Variants in ZNF324 observed in about 807,000 individuals in gnomAD.
ZNF324 encodes zinc finger protein 324, also known as zinc finger protein 324A.
Under a neutral mutation model 10.3 loss-of-function variants are expected in ZNF324, and 3 were observed. That is an observed-to-expected ratio of 0.29 (90% CI 0.13 to 0.75). ZNF324 has a LOEUF of 0.75. Among genes scored for constraint, ZNF324 ranks in the 30% least tolerant of loss-of-function variants. The pLI, the probability that ZNF324 is intolerant of heterozygous loss-of-function variation, is 0.69. For missense variants in ZNF324, 763 were observed against 784.4 expected (o/e 0.97, Z 0.33); for synonymous variants, 430 against 339.5 (o/e 1.27, Z -2.93).
Position 58,474,368 on chromosome 19 carries a change from G to C in ZNF324, c.*2214G>C, listed in dbSNP as rs2053063412. On this transcript the variant is annotated 3_prime_UTR_variant, in exon 4 of 4. Transcript: ENST00000196482. ...CACGTGAAATCATTTCTATGCCTCTGACAGACGCTTCTTGAGCGAAGTTTC... is the reference window on the plus strand; with the variant it reads ...CACGTGAAATCATTTCTATGCCTCTCACAGACGCTTCTTGAGCGAAGTTTC... 6.6e-6 allele frequency: 1 copy of C among 152,128 alleles called. No individual in the cohort carries two copies. 9.4% of individuals were successfully genotyped at this position (152,128 alleles called of 1,614,324 possible).
intron 1 of ZNF324, among the ~76,000 whole-genome samples, 199 bp from the exon 2 acceptor site, chr19:58,468,981 C>T (rs2053004620): frequency 6.6e-6 from 1 of 152,144 alleles, no homozygotes; most frequent in South Asian, 2.1e-4. Context: ...GAATGCAGCC[C>T]AAAACAAGTT....
intron 2 of ZNF324, 96 bp from the exon 3 acceptor site, chr19:58,469,632 T>G: frequency 9.6e-7 from 1 of 1,045,028 alleles, no homozygotes; most frequent in African/African-American, 1.6e-5. Context: ...ACAGATGACA[T>G]TTTCTGTTTC....
rs148935389 is a variant in ZNF324, at chr19:58,474,860, G to A, written c.*2706G>A. 2 of 152,434 alleles carry A rather than the reference G, an allele frequency of 1.3e-5. No homozygotes were observed. Among genetic ancestry groups the A allele is most frequent in the African/African-American group, 4.8e-5 (2 of 41,536 alleles). 9.4% of individuals were successfully genotyped at this position (152,434 alleles called of 1,614,324 possible). A position where few individuals can be genotyped will look rare whatever the true frequency, so the allele number is the denominator to read the frequency against. On this transcript the variant is annotated 3_prime_UTR_variant, in exon 4 of 4. Transcript: ENST00000196482. Reference sequence around the variant, plus strand: ...TGAGAGCTGTCACTAAGTTAGGGAAGGCAAAATACTACGTGGCGACTTGGC... The same window carrying A: ...TGAGAGCTGTCACTAAGTTAGGGAAAGCAAAATACTACGTGGCGACTTGGC...
At position 58,474,451 on chromosome 19, in the gene ZNF324, C is replaced by G. The variant is rs187788169; in HGVS notation, c.*2297C>G. 1.3e-5 allele frequency: 2 copies of G among 152,238 alleles called. No individual in the cohort carries two copies. Among genetic ancestry groups the G allele is most frequent in the East Asian group, 1.9e-4 (1 of 5,154 alleles). The allele number at this position is 152,238 out of a possible 1,614,324, so 9.4% of individuals were successfully genotyped here. The stretch of plus-strand genomic sequence containing the variant: ...CTCAGTACCCTACCTTGTCTTCCCA[C>G]CAGCCGCCTCCCTCCATCAAGTTCC... On this transcript the variant is annotated 3_prime_UTR_variant, in exon 4 of 4. Transcript: ENST00000196482.
intron 1 of ZNF324, among the ~76,000 whole-genome samples, chr19:58,468,566 C>T (rs975484888): frequency 6.6e-6 from 1 of 151,888 alleles, no homozygotes; most frequent in Non-Finnish European, 1.5e-5. Flanking sequence ...GATGGGTATG[C>T]CTGGGAAGCC....
intron 3 of ZNF324, chr19:58,470,432 A>G: frequency 1.9e-6 from 1 of 514,124 alleles, no homozygotes; most frequent in Non-Finnish European, 3.6e-6. Flanking sequence ...GTGTGGGTGG[A>G]ATAGCCAGTG....
At chr19:58,469,478 C>T (rs534535406) in intron 2 of ZNF324, among the ~76,000 whole-genome samples, 172 bp downstream of exon 2, 24 of 152,360 alleles carry the variant, frequency 1.6e-4, no homozygotes, top group Non-Finnish European at 2.1e-4. Flanking sequence ...CAACCACTCC[C>T]TGTGGCGCTG....
chr19:58,470,462 C>T (rs1250757667), intron 3 of ZNF324: 5 of 591,446 alleles, frequency 8.5e-6, no homozygotes, highest in African/African-American at 5.6e-5. Flanking sequence ...ATGCAGCATA[C>T]AGCAGCCGCT....
At position 58,467,200 on chromosome 19, in the gene ZNF324, C is replaced by G. The variant is rs2052988981; in HGVS notation, c.-7+17C>G. 1 of 152,584 alleles carries G rather than the reference C, an allele frequency of 6.6e-6. No individual in the cohort carries two copies. The highest frequency in any genetic ancestry group is 2.4e-5 in the African/African-American group (1 of 41,420). 9.5% of individuals were successfully genotyped at this position (152,584 alleles called of 1,614,324 possible). Reference sequence around the variant, plus strand: ...GCGAGGAAGGTACTGGCTGAGGGCCCGCGTCGGGCCCGCCCTGCGCACGCG... The same window carrying G: ...GCGAGGAAGGTACTGGCTGAGGGCCGGCGTCGGGCCCGCCCTGCGCACGCG... On this transcript the variant is annotated intron_variant, in intron 1 of 3. Transcript: ENST00000196482.
At position 58,468,515 on chromosome 19, in the gene ZNF324, G is replaced by A. The variant is rs2053000758; in HGVS notation, c.-6-665G>A. Among the ~76,000 whole-genome samples the A allele has an allele frequency of 2.0e-5, 3 of 152,148 alleles. No homozygotes were observed. In the South Asian group the frequency reaches 6.2e-4, roughly 31 times the overall value. On this transcript the variant is annotated intron_variant, in intron 1 of 3. Transcript: ENST00000196482. ...TCCCTCAGGCTGGATGAGCAGCCTG[G>A]AAATGTCAGGCAAGCAGGCTCAGCA...
chr19:58,472,121 C>A lies in ZNF324; in HGVS notation c.1629C>A (p.Gly543=). 1.3e-6 allele frequency: 2 copies of A among 1,590,698 alleles called. No individual in the cohort carries two copies. The highest frequency in any genetic ancestry group is 1.1e-5 in the South Asian group (1 of 90,128). Residue 543 remains glycine, a synonymous_variant, in exon 4 of 4, where the codon GGC becomes GGA. Transcript: ENST00000196482. ...AKETEPTPAS[G]PAAVSQPAEV The stretch of plus-strand genomic sequence containing the variant: ...AAACCGAGCCCACTCCCGCCTCGGG[C>A]CCAGCCGCCGTCTCGCAGCCAGCGG...
At position 58,469,786 on chromosome 19, in the gene ZNF324, G is replaced by T; in HGVS notation, c.180G>T (p.Trp60Cys). Residue 60 changes from tryptophan (W) to cysteine (C), a missense_variant, in exon 3 of 4, where the codon TGG becomes TGT. Trp to Cys is a radical substitution (Grantham distance 215). This residue lies in a region of ZNF324 where 379 missense variants were observed against 319.4 expected (regional missense o/e 1.19). Coordinates refer to ENST00000196482, the MANE Select transcript of ZNF324 (RefSeq NM_014347.3). ...VIQLERGEEP[W>C]VPSGTDTTLS... ...AACTGGAGCGTGGCGAGGAGCCCTG[G>T]GTTCCCAGTGGAACGGACACAACCC... 6.3e-7 allele frequency: 1 copy of T among 1,598,730 alleles called. No individual in the cohort carries two copies.
Position 58,474,995 on chromosome 19 carries a change from A to G in ZNF324, c.*2841A>G, listed in dbSNP as rs2122429646. The G allele has an allele frequency of 6.6e-6, 1 of 152,354 alleles. No homozygotes were observed. The highest frequency in any genetic ancestry group is 1.9e-4 in the East Asian group (1 of 5,190). The allele number at this position is 152,354 out of a possible 1,614,324, so 9.4% of individuals were successfully genotyped here. A position where few individuals can be genotyped will look rare whatever the true frequency, so the allele number is the denominator to read the frequency against. ...AAGCTGCCTGGGGAACAACTACTGAAGAAGCCCTTAACGCCCCAGTGCTCT... is the reference window on the plus strand; with the variant it reads ...AAGCTGCCTGGGGAACAACTACTGAGGAAGCCCTTAACGCCCCAGTGCTCT... On this transcript the variant is annotated 3_prime_UTR_variant, in exon 4 of 4. Coordinates refer to ENST00000196482, the MANE Select transcript of ZNF324 (RefSeq NM_014347.3).
At chr19:58,468,079 T>A (rs551915985) in intron 1 of ZNF324, 2 of 472,228 alleles carry the variant, frequency 4.2e-6, no homozygotes, top group Non-Finnish European at 5.5e-6. Flanking sequence ...GTACCCCATG[T>A]TGTTCAGCCT....
rs1387598972 is a variant in ZNF324, at chr19:58,472,258, C to T, written c.*104C>T. The T allele has an allele frequency of 3.2e-6, 4 of 1,256,250 alleles. No homozygotes were observed. The highest frequency in any genetic ancestry group is 3.2e-6 in the Non-Finnish European group (3 of 934,284). 77.8% of individuals were successfully genotyped at this position (1,256,250 alleles called of 1,614,324 possible). Reference sequence around the variant, plus strand: ...GAGAAAAAGTCCCGTGCTTGCTAGTCAGGGACAAGGGAGGCCCTTTGGCTG... The same window carrying T: ...GAGAAAAAGTCCCGTGCTTGCTAGTTAGGGACAAGGGAGGCCCTTTGGCTG... On this transcript the variant is annotated 3_prime_UTR_variant, in exon 4 of 4. Coordinates refer to ENST00000196482, the MANE Select transcript of ZNF324 (RefSeq NM_014347.3).
Position 58,473,206 on chromosome 19 carries a change from C to G in ZNF324, c.*1052C>G, listed in dbSNP as rs1408316639. 2 of 152,634 alleles carry G rather than the reference C, an allele frequency of 1.3e-5. No homozygotes were observed. Among genetic ancestry groups the G allele is most frequent in the Admixed American group, 1.3e-4 (2 of 15,268 alleles). The allele number at this position is 152,634 out of a possible 1,614,324, so 9.5% of individuals were successfully genotyped here. A position where few individuals can be genotyped will look rare whatever the true frequency, so the allele number is the denominator to read the frequency against. ...CCCATTATCCCTCCTCAATTGGAGG[C>G]TGGACAGAGCTGAATAGGAAAGACT... On this transcript the variant is annotated 3_prime_UTR_variant, in exon 4 of 4. Coordinates refer to ENST00000196482, the MANE Select transcript of ZNF324 (RefSeq NM_014347.3).
In ZNF324 at chr19:58,473,429, A is replaced by AAAAAAG. The variant is rs71190044; in HGVS notation, c.*1275_*1276insAAAAAG. On this transcript the variant is annotated 3_prime_UTR_variant, in exon 4 of 4. Coordinates refer to ENST00000196482, the MANE Select transcript of ZNF324 (RefSeq NM_014347.3). ...CTCCTTAATGGAAAAAAAAAAAAAAAGACTACCATCTGCAACTCAGAGTAG... is the reference window on the plus strand; with the variant it reads ...CTCCTTAATGGAAAAAAAAAAAAAAAAAAAAGGACTACCATCTGCAACTCAGAGTAG... 6.6e-6 allele frequency: 1 copy of AAAAAAG among 151,284 alleles called. No individual in the cohort carries two copies. The highest frequency in any genetic ancestry group is 2.4e-5 in the African/African-American group (1 of 41,154). The allele number at this position is 151,284 out of a possible 1,614,324, so 9.4% of individuals were successfully genotyped here.
chr19:58,469,771 T>C lies in ZNF324; in HGVS notation c.165T>C (p.Arg55=), dbSNP rs1369953405. 6.3e-7 allele frequency: 1 copy of C among 1,594,634 alleles called. No individual in the cohort carries two copies. The highest frequency in any genetic ancestry group is 8.5e-7 in the Non-Finnish European group (1 of 1,170,824). The change falls in exon 3 of 4, where the codon CGT becomes CGC. Residue 55 remains arginine, a synonymous_variant. Coordinates refer to ENST00000196482, the MANE Select transcript of ZNF324 (RefSeq NM_014347.3). Reference sequence around the variant, plus strand: ...CTCGTGTGGTCATCCAACTGGAGCGTGGCGAGGAGCCCTGGGTTCCCAGTG... The same window carrying C: ...CTCGTGTGGTCATCCAACTGGAGCGCGGCGAGGAGCCCTGGGTTCCCAGTG... ...SRPRVVIQLE[R]GEEPWVPSGT... is the part of the protein sequence containing the mutation.
Position 58,471,770 on chromosome 19 carries a change from C to G in ZNF324, c.1278C>G (p.Ala426=), listed in dbSNP as rs1236586511. The change falls in exon 4 of 4, where the codon GCC becomes GCG. Residue 426 remains alanine (A), a synonymous_variant. Transcript: ENST00000196482. The part of the protein sequence containing the change: ...QRVHTGEKPF[A]CPQCGRAFSH... ...TGCACACAGGCGAGAAGCCCTTCGC[C>G]TGCCCACAGTGCGGCCGCGCCTTTA... 1 of 1,612,906 alleles carries G rather than the reference C, an allele frequency of 6.2e-7. No individual in the cohort carries two copies. Among genetic ancestry groups the G allele is most frequent in the Non-Finnish European group, 8.5e-7 (1 of 1,179,750 alleles).
Sources: allele counts gnomAD v4.1 joint callset (sites outside exome capture counted in the v4.1 genomes callset), GRCh38; gene constraint gnomAD v4.1.1; regional missense constraint gnomAD v4.1.1; transcripts MANE v1.5; gene names NCBI Gene and HGNC (gene_info 2026-07-23, HGNC 2026-07-21).